RAD23B: variants seen among roughly 807,000 people sequenced by gnomAD.
The protein encoded by RAD23B is lysine-specific demethylase RAD23B.
A neutral mutation model predicts 49.1 loss-of-function variants in RAD23B; 5 were observed. The observed-to-expected ratio is 0.10, with a 90% CI of 0.05 to 0.21. RAD23B has a LOEUF of 0.21. RAD23B is among the 10% of genes least tolerant of loss of function. The pLI is 1.00. For missense variants in RAD23B, 356 were observed against 486.7 expected, an observed-to-expected ratio of 0.73 and a Z score of 2.53; for synonymous variants, 184 against 165.4, an observed-to-expected ratio of 1.11 and a Z score of -0.86.
chr9:107,313,214 T>G (rs1826924277), intron 5 of RAD23B, among the ~76,000 whole-genome samples: 2 of 151,240 alleles, frequency 1.3e-5, no homozygotes, highest in South Asian at 4.3e-4. Context: ...CTTTATTTTC[T>G]TTTCTCTTTT....
At position 107,300,235 on chromosome 9, in the gene RAD23B, T is replaced by C. The variant is rs1281346333; in HGVS notation, c.148+13T>C. 5 of 1,594,348 alleles carry C rather than the reference T, an allele frequency of 3.1e-6. No homozygotes were observed. Among genetic ancestry groups the C allele is most frequent in the South Asian group, 1.2e-5 (1 of 86,604 alleles). Reference sequence around the variant, plus strand: ...TTAATTTATGCAGGTATGAATTAAATATTAAAATTAACATGCCATGTCTTG... The same window carrying C: ...TTAATTTATGCAGGTATGAATTAAACATTAAAATTAACATGCCATGTCTTG... On this transcript the variant is annotated intron_variant, in intron 2 of 9. Transcript: ENST00000358015.
At chr9:107,307,590 G>A (rs1826804239) in intron 4 of RAD23B, among the ~76,000 whole-genome samples, 1 of 152,172 alleles carries the variant, frequency 6.6e-6, no homozygotes, top group Non-Finnish European at 1.5e-5. Flanking sequence ...GGAAAACTAT[G>A]CAGTGACTGG....
At chr9:107,284,550 C>T (rs1833235871) in intron 1 of RAD23B, 1 of 198,466 alleles carries the variant, frequency 5.0e-6, no homozygotes, top group African/African-American at 2.4e-5. Context: ...TTAAACATTT[C>T]AGAAGTCCAC....
intron 1 of RAD23B, among the ~76,000 whole-genome samples, chr9:107,285,716 T>C (rs771506584): frequency 2.0e-5 from 3 of 152,258 alleles, no homozygotes; most frequent in Non-Finnish European, 4.4e-5. Flanking sequence ...CTTTCGCTGC[T>C]ATTTATATAA....
chr9:107,297,005 C>G (rs1169081601), intron 1 of RAD23B, among the ~76,000 whole-genome samples: 1 of 151,936 alleles, frequency 6.6e-6, no homozygotes, highest in Non-Finnish European at 1.5e-5. Context: ...CAAGTGTGCA[C>G]CACCATGCCC....
At chr9:107,312,026 A>G (rs1826898690) in intron 5 of RAD23B, among the ~76,000 whole-genome samples, 1 of 152,224 alleles carries the variant, frequency 6.6e-6, no homozygotes, top group Non-Finnish European at 1.5e-5. Context: ...TGATCTGTGT[A>G]TGGATTTATT....
intron 5 of RAD23B, among the ~76,000 whole-genome samples, chr9:107,317,089 C>A: frequency 1.7e-5 from 1 of 59,742 alleles, no homozygotes; most frequent in Middle Eastern, 0.011. Flanking sequence ...TTTGCGCACA[C>A]GCGTGCGTGT....
chr9:107,306,271 G>A (rs1471662480), intron 3 of RAD23B, 108 bp from the exon 4 acceptor site: 2 of 1,013,058 alleles, frequency 2.0e-6, no homozygotes, highest in Admixed American at 5.5e-5. Flanking sequence ...CAAGTTATAG[G>A]TTGTTATTAG....
chr9:107,305,735 A>T (rs72738205), intron 3 of RAD23B, among the ~76,000 whole-genome samples: 2,803 of 152,002 alleles, frequency 0.018, 34 homozygotes, highest in Non-Finnish European at 0.028. Flanking sequence ...CAATTTTGGG[A>T]TTTTCCTCCC....
chr9:107,289,641 T>C (rs1162237867), intron 1 of RAD23B, among the ~76,000 whole-genome samples: 1 of 152,100 alleles, frequency 6.6e-6, no homozygotes, highest in African/African-American at 2.4e-5. Flanking sequence ...GAGAAGTAGA[T>C]GGAATTAGGA....
chr9:107,305,315 A>G (rs1826740301), intron 3 of RAD23B, among the ~76,000 whole-genome samples: 3 of 152,142 alleles, frequency 2.0e-5, no homozygotes, highest in Admixed American at 1.3e-4. Flanking sequence ...AAAGAAACAA[A>G]AGAAAATCAC....
rs1019787964 is a variant in RAD23B, at chr9:107,302,225, C to T, written c.228+111C>T. 26 of 1,360,424 alleles carry T rather than the reference C, an allele frequency of 1.9e-5. No homozygotes were observed. In the Middle Eastern group the frequency reaches 8.3e-4, roughly 43 times the overall value. The allele number at this position is 1,360,424 out of a possible 1,614,324, so 84.3% of individuals were successfully genotyped here. ...TTATACACATCCATAGTGGTGTACA[C>T]TTAACTACTATGAAAGGTTTTTAAG... is the stretch of plus-strand genomic sequence containing the variant. On this transcript the variant is annotated intron_variant, in intron 3 of 9. Coordinates refer to ENST00000358015, the MANE Select transcript of RAD23B (RefSeq NM_002874.5).
At chr9:107,296,559 T>C (rs1433486752) in intron 1 of RAD23B, among the ~76,000 whole-genome samples, 1 of 150,042 alleles carries the variant, frequency 6.7e-6, no homozygotes, top group African/African-American at 2.5e-5. Flanking sequence ...GTGCCTTGTC[T>C]CTCTCTCTTT....
At chr9:107,306,233 T>C (rs903355668) in intron 3 of RAD23B, 146 bp from the exon 4 acceptor site, 28 of 710,176 alleles carry the variant, frequency 3.9e-5, no homozygotes, top group Non-Finnish European at 5.6e-5. Context: ...TATTGATCAT[T>C]TATTGTGTCA....
At position 107,324,782 on chromosome 9, in the gene RAD23B, C is replaced by T. The variant is rs112120309; in HGVS notation, c.946-52C>T. ...AATATTTAGAATTTCTCTGTTCCTG[C>T]AGATACTTAATATCAGTGTATTATT... On this transcript the variant is annotated intron_variant, in intron 8 of 9. Coordinates refer to ENST00000358015, the MANE Select transcript of RAD23B (RefSeq NM_002874.5). 1.3e-3 allele frequency: 1,878 copies of T among 1,465,040 alleles called. 13 individuals carry two copies. In the African/African-American group the frequency reaches 0.02, roughly 16 times the overall value. The allele number at this position is 1,465,040 out of a possible 1,614,324, so 90.8% of individuals were successfully genotyped here.
intron 1 of RAD23B, among the ~76,000 whole-genome samples, chr9:107,286,051 C>A (rs1833267777): frequency 6.6e-6 from 1 of 152,152 alleles, no homozygotes. Flanking sequence ...AGAAATAGAT[C>A]TAAAATAAGA....
At chr9:107,326,682 G>C (rs1368077363) in intron 9 of RAD23B, among the ~76,000 whole-genome samples, 1 of 115,062 alleles carries the variant, frequency 8.7e-6, no homozygotes, top group East Asian at 3.0e-4. Flanking sequence ...TGCCCAGGCT[G>C]GATTGCAGTG....
In RAD23B at chr9:107,331,479, C is replaced by T. The variant is rs1030778994; in HGVS notation, c.*1823C>T. ...GATCACACCACTGCCATAAACATGA[C>T]AGGCTTTTGGACTTTGTATTACCTG... On this transcript the variant is annotated 3_prime_UTR_variant, in exon 10 of 10. Coordinates refer to ENST00000358015, the MANE Select transcript of RAD23B (RefSeq NM_002874.5). 2.3e-5 allele frequency: 12 copies of T among 529,614 alleles called. No homozygotes were observed. The African/African-American group carries it at 2.3e-4, about 10-fold the overall frequency. The allele number at this position is 529,614 out of a possible 1,614,324, so 32.8% of individuals were successfully genotyped here.
At chr9:107,298,986 A>G (rs1027432237) in intron 1 of RAD23B, among the ~76,000 whole-genome samples, 1 of 152,134 alleles carries the variant, frequency 6.6e-6, no homozygotes, top group Non-Finnish European at 1.5e-5. Context: ...TCAGTGCAGC[A>G]AGGAAGGTTT....
Sources: gnomAD v4.1 joint callset for allele counts (sites outside exome capture counted in the v4.1 genomes callset) on GRCh38, gnomAD v4.1.1 for gene constraint, MANE v1.5 for transcripts, NCBI Gene and HGNC (gene_info 2026-07-23, HGNC 2026-07-21) for gene names.